Variants in HS3ST4 observed in about 807,000 individuals in gnomAD.
HS3ST4 encodes the protein heparan sulfate-glucosamine 3-sulfotransferase 4.
Under a neutral mutation model 29.2 loss-of-function variants are expected in HS3ST4, and 17 were observed. The observed-to-expected ratio is 0.58, with a 90% CI of 0.40 to 0.87. The LOEUF (loss-of-function observed/expected upper bound fraction) is 0.87, where lower values mean the gene tolerates loss of function less well. Ranked by LOEUF, HS3ST4 falls within the 40% of genes least tolerant of loss-of-function variation. The pLI, the probability that HS3ST4 is intolerant of heterozygous loss-of-function variation, is 0.00. For missense variants in HS3ST4, 627 were observed against 634.5 expected (o/e 0.99, Z 0.13); for synonymous variants, 314 against 285.7 (o/e 1.10, Z -1.00).
chr16:26,004,169 G>A (rs1969236879), intron 1 of HS3ST4, among the ~76,000 whole-genome samples: 1 of 152,128 alleles, frequency 6.6e-6, no homozygotes, highest in Non-Finnish European at 1.5e-5. Flanking sequence ...TTTTCTTAAG[G>A]CAGTTGTTCT....
intron 1 of HS3ST4, among the ~76,000 whole-genome samples, chr16:26,126,842 A>G (rs34717576): frequency 0.22 from 32,872 of 151,950 alleles, 3,819 homozygotes; most frequent in East Asian, 0.38. Flanking sequence ...AAGTTAAGAA[A>G]CCCTAGGTAA....
At chr16:25,733,657 C>T (rs1268764454) in intron 1 of HS3ST4, among the ~76,000 whole-genome samples, 1 of 152,104 alleles carries the variant, frequency 6.6e-6, no homozygotes, top group African/African-American at 2.4e-5. Context: ...TGTCCCCTGC[C>T]CTGTCCCAAA....
intron 1 of HS3ST4, among the ~76,000 whole-genome samples, chr16:26,095,506 C>T (rs1384453786): frequency 6.6e-6 from 1 of 152,170 alleles, no homozygotes; most frequent in Non-Finnish European, 1.5e-5. Context: ...CAACTTGCTC[C>T]TGAATGACTA....
At chr16:25,741,587 C>T in intron 1 of HS3ST4, among the ~76,000 whole-genome samples, 1 of 152,054 alleles carries the variant, frequency 6.6e-6, no homozygotes, top group East Asian at 1.9e-4. Flanking sequence ...ACCCTTTTGT[C>T]TGCAGTATTT....
intron 1 of HS3ST4, among the ~76,000 whole-genome samples, chr16:26,072,033 G>A (rs1443800492): frequency 6.6e-6 from 1 of 152,118 alleles, no homozygotes; most frequent in Non-Finnish European, 1.5e-5. Context: ...TTTGGATTTT[G>A]ATGCAGCTGA....
chr16:26,056,247 A>T (rs1385536672), intron 1 of HS3ST4, among the ~76,000 whole-genome samples: 1 of 152,222 alleles, frequency 6.6e-6, no homozygotes, highest in Non-Finnish European at 1.5e-5. Context: ...TAGGTGGTTC[A>T]GTGTCAGACC....
chr16:25,814,179 A>T (rs1355679032), intron 1 of HS3ST4, among the ~76,000 whole-genome samples: 1 of 152,240 alleles, frequency 6.6e-6, no homozygotes, highest in African/African-American at 2.4e-5. Flanking sequence ...ACATGGCTTC[A>T]TTAAGTTGAA....
At chr16:25,768,848 T>C (rs1390855196) in intron 1 of HS3ST4, among the ~76,000 whole-genome samples, 1 of 152,096 alleles carries the variant, frequency 6.6e-6, no homozygotes, top group Non-Finnish European at 1.5e-5. Flanking sequence ...CTGGCTTCTT[T>C]AAAAGATGGA....
chr16:26,128,019 A>G (rs187802904), intron 1 of HS3ST4, among the ~76,000 whole-genome samples: 4 of 151,778 alleles, frequency 2.6e-5, no homozygotes, highest in Non-Finnish European at 5.9e-5. Flanking sequence ...TCTTCCTCTT[A>G]TCTTTATTCC....
intron 1 of HS3ST4, among the ~76,000 whole-genome samples, chr16:25,952,775 T>C (rs543582153): frequency 1.3e-5 from 2 of 152,348 alleles, no homozygotes; most frequent in African/African-American, 4.8e-5. Flanking sequence ...ACCCGCCTCA[T>C]ACAGGGCTTG....
intron 1 of HS3ST4, among the ~76,000 whole-genome samples, chr16:25,752,160 A>T (rs1468433575): frequency 3.3e-5 from 5 of 152,198 alleles, no homozygotes; most frequent in Admixed American, 3.3e-4. Context: ...GAGAAGTTTC[A>T]TGACAGACTC....
At chr16:25,869,304 C>T (rs774915938) in intron 1 of HS3ST4, among the ~76,000 whole-genome samples, 41 of 151,896 alleles carry the variant, frequency 2.7e-4, no homozygotes, top group Admixed American at 8.5e-4. Flanking sequence ...TCACTTTCTC[C>T]GCAAGCAAAG....
At chr16:25,903,057 A>G (rs1968134833) in intron 1 of HS3ST4, among the ~76,000 whole-genome samples, 1 of 151,776 alleles carries the variant, frequency 6.6e-6, no homozygotes, top group Non-Finnish European at 1.5e-5. Context: ...AAGCTTGATA[A>G]TGAAGCAGAG....
intron 1 of HS3ST4, among the ~76,000 whole-genome samples, chr16:25,783,647 A>AT (rs988760684): frequency 6.6e-6 from 1 of 151,898 alleles, no homozygotes; most frequent in Non-Finnish European, 1.5e-5. Context: ...GCTGAGGTTA[A>AT]TTTTTTTTAC....
chr16:25,776,685 C>A (rs57822251), intron 1 of HS3ST4, among the ~76,000 whole-genome samples: 4 of 152,028 alleles, frequency 2.6e-5, no homozygotes, highest in Non-Finnish European at 5.9e-5. Context: ...GATCAGATAC[C>A]GTGGTCAGTG....
intron 1 of HS3ST4, among the ~76,000 whole-genome samples, chr16:25,814,740 C>T (rs1967076488): frequency 6.6e-6 from 1 of 152,188 alleles, no homozygotes; most frequent in Admixed American, 6.5e-5. Flanking sequence ...AACAGCTCCG[C>T]ATTAACCACC....
chr16:25,923,451 G>A (rs941514647), intron 1 of HS3ST4, among the ~76,000 whole-genome samples: 2 of 152,172 alleles, frequency 1.3e-5, no homozygotes, highest in Non-Finnish European at 2.9e-5. Flanking sequence ...AAATTCTATT[G>A]CCTGACACTT....
chr16:25,747,809 G>A (rs1966694207), intron 1 of HS3ST4, among the ~76,000 whole-genome samples: 1 of 152,146 alleles, frequency 6.6e-6, no homozygotes, highest in Non-Finnish European at 1.5e-5. Flanking sequence ...TCTTACTAGA[G>A]CAAACTCAAC....
intron 1 of HS3ST4, among the ~76,000 whole-genome samples, chr16:25,856,156 G>A (rs958172954): frequency 1.3e-5 from 2 of 152,104 alleles, no homozygotes; most frequent in Admixed American, 1.3e-4. Flanking sequence ...TGTGGTGGAT[G>A]CCCTGTGGTA....
Sources: allele counts gnomAD v4.1 joint callset (sites outside exome capture counted in the v4.1 genomes callset), GRCh38; gene constraint gnomAD v4.1.1; transcripts MANE v1.5; gene names NCBI Gene and HGNC (gene_info 2026-07-23, HGNC 2026-07-21).